The following FGD5 variants were observed in gnomAD, a reference collection of about 807,000 sequenced individuals.
The protein encoded by FGD5 is FYVE, RhoGEF and PH domain-containing protein 5.
Under a neutral mutation model 133.4 loss-of-function variants are expected in FGD5, and 28 were observed. The ratio of observed to expected loss-of-function variants is 0.21; its 90% CI spans 0.16 to 0.29. The LOEUF is 0.29. Ranked by LOEUF, FGD5 falls within the 10% of genes least tolerant of loss-of-function variation. The probability of loss-of-function intolerance (pLI) is 1.00; values close to 1 mark genes in which losing one functional copy is unlikely to be tolerated. For missense variants in FGD5, 1,858 were observed against 1,895.2 expected (o/e 0.98, Z 0.36); for synonymous variants, 810 against 776.5 (o/e 1.04, Z -0.72).
intron 4 of FGD5, among the ~76,000 whole-genome samples, chr3:14,892,819 C>CAA (rs11297152): frequency 6.8e-6 from 1 of 146,834 alleles, no homozygotes; most frequent in Non-Finnish European, 1.5e-5. Context: ...AAATCCATCT[C>CAA]AAAAAAAAAA....
At chr3:14,894,599 T>C (rs573163509) in intron 4 of FGD5, among the ~76,000 whole-genome samples, 10 of 151,648 alleles carry the variant, frequency 6.6e-5, no homozygotes, top group African/African-American at 2.2e-4. Flanking sequence ...CACTGCAGGA[T>C]TGACCTCCTG....
Position 14,922,385 on chromosome 3 carries a change from T to C in FGD5, c.3670-26T>C. 6.4e-7 allele frequency: 1 copy of C among 1,558,534 alleles called. No individual in the cohort carries two copies. The highest frequency in any genetic ancestry group is 8.7e-7 in the Non-Finnish European group (1 of 1,151,042). On this transcript the variant is annotated intron_variant, in intron 14 of 19. Coordinates refer to ENST00000285046, the MANE Select transcript of FGD5 (RefSeq NM_152536.4). This position sits in a 1 kb window ranked among gnomAD's most constrained non-coding sequence, Gnocchi z 4.1. ...GCTGGTCTCCTGGCCACATTCCACA[T>C]TACTCAGCCAATTCTGTTGCTGCAG...
intron 6 of FGD5, 75 bp from the exon 7 acceptor site, chr3:14,898,664 A>G (rs1030636625): frequency 6.6e-6 from 8 of 1,204,772 alleles, no homozygotes; most frequent in Non-Finnish European, 9.5e-6. Flanking sequence ...GGGACAGTGT[A>G]TATGGGCTGC....
intron 9 of FGD5, among the ~76,000 whole-genome samples, chr3:14,903,754 A>G (rs921018238): frequency 6.6e-6 from 1 of 152,096 alleles, no homozygotes; most frequent in Admixed American, 6.6e-5. Flanking sequence ...TAACACACAA[A>G]TATTGGTACA....
intron 4 of FGD5, among the ~76,000 whole-genome samples, chr3:14,890,417 G>T (rs1387073463): frequency 6.6e-6 from 1 of 152,194 alleles, no homozygotes; most frequent in Non-Finnish European, 1.5e-5. Flanking sequence ...TTTCCTCCGG[G>T]CTTGGTGCAG....
intron 1 of FGD5, among the ~76,000 whole-genome samples, chr3:14,827,454 TG>T (rs2036622411): frequency 1.3e-5 from 2 of 152,038 alleles, no homozygotes; most frequent in Admixed American, 1.3e-4. Context: ...GCTAATTTTT[TG>T]TATTTTTTAG....
At chr3:14,921,645 G>A (rs980219570) in intron 13 of FGD5, among the ~76,000 whole-genome samples, 10 of 152,158 alleles carry the variant, frequency 6.6e-5, no homozygotes, top group South Asian at 2.1e-4. Context: ...GTGGTTCCAC[G>A]TCCCACATCT....
chr3:14,926,061 T>C lies in FGD5; in HGVS notation c.4069-9T>C. On this transcript the variant is annotated splice_polypyrimidine_tract_variant and intron_variant, in intron 17 of 19. Transcript: ENST00000285046. ...GGGTGGGCTGACCGCTCTGCTTCCC[T>C]CCTGCCAGGTGGCTGCCTCTGGAGA... The C allele has an allele frequency of 6.2e-7, 1 of 1,613,362 alleles. No homozygotes were observed. Among genetic ancestry groups the C allele is most frequent in the Non-Finnish European group, 8.5e-7 (1 of 1,179,638 alleles).
intron 10 of FGD5, 22 bp from the exon 11 acceptor site, chr3:14,910,839 A>G (rs1415436719): frequency 3.7e-6 from 6 of 1,610,872 alleles, no homozygotes; most frequent in South Asian, 1.1e-5. Context: ...CTGACCGCCA[A>G]GTTCTGCTTC....
chr3:14,819,696 A>G lies in FGD5; in HGVS notation c.625A>G (p.Thr209Ala). ...IHGEDQEPPD[T>A]PGEAEEDDEE... ...TGGAGAGGACCAGGAGCCCCCCGAC[A>G]CCCCCGGGGAGGCAGAGGAGGATGA... is the stretch of plus-strand genomic sequence containing the variant. The change falls in exon 1 of 20, where the codon ACC (threonine) becomes GCC (alanine). Residue 209 changes from threonine (T) to alanine (A), a missense_variant. Thr to Ala is a moderately conservative substitution (Grantham distance 58). Around this residue, in one of 3 missense-constraint regions of FGD5, gnomAD observed 1,824 missense variants for 1,848.9 expected, o/e 0.99. Transcript: ENST00000285046. This position sits in a 1 kb window ranked among gnomAD's most constrained non-coding sequence, Gnocchi z 4.1. 6.5e-7 allele frequency: 1 copy of G among 1,536,462 alleles called. No homozygotes were observed. Among genetic ancestry groups the G allele is most frequent in the East Asian group, 2.5e-5 (1 of 40,772 alleles).
At chr3:14,906,734 C>T (rs1327216336) in intron 9 of FGD5, among the ~76,000 whole-genome samples, 1 of 152,212 alleles carries the variant, frequency 6.6e-6, no homozygotes, top group Non-Finnish European at 1.5e-5. Context: ...TTTACACCAG[C>T]CACCTCTGCC....
At chr3:14,930,771 G>A (rs1489930273) in intron 18 of FGD5, 5 of 152,014 alleles carry the variant, frequency 3.3e-5, no homozygotes, top group Non-Finnish European at 7.4e-5. Context: ...ATTTATTTAA[G>A]CCTCGAATTC....
At chr3:14,837,679 C>T (rs1418583783) in intron 1 of FGD5, among the ~76,000 whole-genome samples, 1 of 152,166 alleles carries the variant, frequency 6.6e-6, no homozygotes, top group Non-Finnish European at 1.5e-5. Flanking sequence ...AGTGATTATG[C>T]TCATCCACAA....
At chr3:14,908,123 A>G (rs1292927029) in intron 10 of FGD5, among the ~76,000 whole-genome samples, 1 of 152,208 alleles carries the variant, frequency 6.6e-6, no homozygotes, top group Non-Finnish European at 1.5e-5. Flanking sequence ...AAGCTTCCAA[A>G]TGGAAAATGT....
At chr3:14,911,504 T>C (rs1317003690) in intron 11 of FGD5, among the ~76,000 whole-genome samples, 4 of 152,124 alleles carry the variant, frequency 2.6e-5, no homozygotes, top group Non-Finnish European at 5.9e-5. Context: ...CTCTTGCTCC[T>C]GCATTTCTGC....
intron 9 of FGD5, among the ~76,000 whole-genome samples, chr3:14,902,249 TC>T (rs2038253354): frequency 7.1e-6 from 1 of 141,640 alleles, no homozygotes; most frequent in Non-Finnish European, 1.5e-5. Context: ...GGCATTGCAC[TC>T]CAGCCTGGGT....
rs188214045 is a variant in FGD5 at position 14,859,410 on chromosome 3, T to C, written c.2526-4718T>C. On this transcript the variant is annotated intron_variant, in intron 1 of 19. Transcript: ENST00000285046. ...TGTCTCTATTAAAAAATACAAAAAT[T>C]AGCTGGGCATAATGGCTTGCACCTG... 5.9e-5 allele frequency among the ~76,000 whole-genome samples: 9 copies of C among 151,996 alleles called. No homozygotes were observed. The East Asian group carries it at 1.7e-3, about 29-fold the overall frequency.
intron 4 of FGD5, among the ~76,000 whole-genome samples, chr3:14,895,968 G>T (rs1332125889): frequency 6.6e-6 from 1 of 151,396 alleles, no homozygotes. Context: ...ACAAAAATCA[G>T]TAGCATTTCC....
At position 14,868,322 on chromosome 3, in the gene FGD5, G is replaced by A. The variant is rs145291971; in HGVS notation, c.2658+4062G>A. Among the ~76,000 whole-genome samples, 25 of 151,898 alleles carry A rather than the reference G, an allele frequency of 1.6e-4. 1 individual carries two copies. In the East Asian group the frequency reaches 4.9e-3, roughly 30 times the overall value. On this transcript the variant is annotated intron_variant, in intron 2 of 19. Transcript: ENST00000285046. ...CCACATTTGTTTCCCAGTCTGGCCT[G>A]TTTCTGGAACAGACCCTTCCTGTCC...
Sources: allele counts gnomAD v4.1 joint callset (sites outside exome capture counted in the v4.1 genomes callset), GRCh38; gene constraint gnomAD v4.1.1; regional missense constraint gnomAD v4.1.1; non-coding constraint Gnocchi (gnomAD v3.1); transcripts MANE v1.5; gene names NCBI Gene and HGNC (gene_info 2026-07-23, HGNC 2026-07-21).